Variants in MEGF10 observed in about 807,000 individuals in gnomAD.
MEGF10 encodes multiple epidermal growth factor-like domains protein 10.
Under a neutral mutation model 147.5 loss-of-function variants are expected in MEGF10, and 86 were observed. The ratio of observed to expected loss-of-function variants is 0.58; its 90% CI spans 0.49 to 0.70. The LOEUF is 0.70. Ranked by LOEUF, MEGF10 falls within the 30% of genes least tolerant of loss-of-function variation. The pLI is 0.00. For missense variants in MEGF10, 1,329 were observed against 1,487.3 expected, an observed-to-expected ratio of 0.89 and a Z score of 1.75; for synonymous variants, 478 against 525.5, an observed-to-expected ratio of 0.91 and a Z score of 1.24.
At chr5:127,405,503 T>C (rs895280697) in intron 8 of MEGF10, among the ~76,000 whole-genome samples, 2 of 152,172 alleles carry the variant, frequency 1.3e-5, no homozygotes, top group African/African-American at 4.8e-5. Flanking sequence ...AATTTTAATG[T>C]TGTTTTTAGC....
chr5:127,399,020 C>T lies in MEGF10; in HGVS notation c.780+224C>T, dbSNP rs75840083. ...AGACTTGAAGTGCATTGAAGGTTGT[C>T]ATGTAAAGGGTAGTGGCCATCTGTC... On this transcript the variant is annotated intron_variant, in intron 7 of 24. Coordinates refer to ENST00000503335, the MANE Select transcript of MEGF10 (RefSeq NM_001256545.2). Among the ~76,000 whole-genome samples, 2,784 of 152,220 alleles carry T rather than the reference C, an allele frequency of 0.018. 28 individuals are homozygous for T. Among genetic ancestry groups the T allele is most frequent in the East Asian group, 0.048 (248 of 5,188 alleles).
chr5:127,442,959 C>A (rs775624547), intron 18 of MEGF10, 39 bp from the exon 19 acceptor site: 10 of 1,588,278 alleles, frequency 6.3e-6, no homozygotes, highest in Non-Finnish European at 8.6e-6. Context: ...GCTCCAAATT[C>A]CCAAGGTTGG....
chr5:127,387,372 G>A (rs1319218061), intron 5 of MEGF10, among the ~76,000 whole-genome samples: 1 of 152,112 alleles, frequency 6.6e-6, no homozygotes, highest in East Asian at 1.9e-4. Context: ...GTGTGATTAT[G>A]GACATGATAG....
At chr5:127,397,252 A>G (rs1314078560) in intron 6 of MEGF10, among the ~76,000 whole-genome samples, 2 of 152,234 alleles carry the variant, frequency 1.3e-5, no homozygotes, top group Non-Finnish European at 2.9e-5. Flanking sequence ...AAAATAATCC[A>G]TAATAAAAGA....
intron 9 of MEGF10, among the ~76,000 whole-genome samples, chr5:127,415,038 A>G (rs1357486700): frequency 1.3e-5 from 2 of 152,048 alleles, no homozygotes; most frequent in East Asian, 3.9e-4. Context: ...GCATCCTAAG[A>G]ACATGGAATA....
In MEGF10 at chr5:127,317,132, A is replaced by C. The variant is rs150129646; in HGVS notation, c.-18-14159A>C. The stretch of plus-strand genomic sequence containing the variant: ...AATGCCAGTTTGAATTTTACCTAAA[A>C]GGCAAGCTCTCAAAAGCTTTTAAGA... On this transcript the variant is annotated intron_variant, in intron 1 of 24. Coordinates refer to ENST00000503335, the MANE Select transcript of MEGF10 (RefSeq NM_001256545.2). Among the ~76,000 whole-genome samples the C allele has an allele frequency of 4.2e-3, 644 of 152,354 alleles. 3 individuals carry two copies. Among genetic ancestry groups the C allele is most frequent in the African/African-American group, 0.014 (577 of 41,586 alleles).
intron 15 of MEGF10, 71 bp downstream of exon 15, chr5:127,434,892 C>G: frequency 6.6e-7 from 1 of 1,522,108 alleles, no homozygotes; most frequent in Non-Finnish European, 8.8e-7. Flanking sequence ...CTCAGGCCTC[C>G]CCTTGGCCTT....
intron 1 of MEGF10, among the ~76,000 whole-genome samples, chr5:127,314,506 C>A (rs893532335): frequency 4.6e-5 from 7 of 152,142 alleles, no homozygotes; most frequent in Admixed American, 2.6e-4. Flanking sequence ...GATTTCTATG[C>A]AGTTTCTAGT....
chr5:127,329,531 G>T (rs1761168848), intron 1 of MEGF10, among the ~76,000 whole-genome samples: 2 of 151,774 alleles, frequency 1.3e-5, no homozygotes, highest in African/African-American at 2.4e-5. Flanking sequence ...TGCTGTTATT[G>T]TTGTTTATTT....
intron 5 of MEGF10, among the ~76,000 whole-genome samples, chr5:127,392,669 T>C (rs1026323252): frequency 6.6e-6 from 1 of 152,188 alleles, no homozygotes; most frequent in African/African-American, 2.4e-5. Flanking sequence ...TGAACTTCAG[T>C]ACCCAGCCCG....
At chr5:127,398,620 C>T (rs939085472) in intron 6 of MEGF10, 56 bp from the exon 7 acceptor site, 161 of 1,608,312 alleles carry the variant, frequency 1.0e-4, no homozygotes, top group Non-Finnish European at 1.2e-4. Context: ...ACAGTGAACC[C>T]GAGGGTCATG....
chr5:127,286,107 T>A (rs888764235), upstream of MEGF10, among the ~76,000 whole-genome samples: 7 of 152,042 alleles, frequency 4.6e-5, no homozygotes, highest in Admixed American at 2.6e-4. Context: ...AGAAAGTTGA[T>A]CTTTTGAAGG....
At chr5:127,347,641 A>C (rs1369064501) in intron 4 of MEGF10, among the ~76,000 whole-genome samples, 2 of 152,116 alleles carry the variant, frequency 1.3e-5, no homozygotes, top group Non-Finnish European at 2.9e-5. Context: ...CTGTAAATTC[A>C]AATATGGACA....
intron 1 of MEGF10, among the ~76,000 whole-genome samples, chr5:127,316,082 A>C (rs1270464862): frequency 6.6e-6 from 1 of 152,244 alleles, no homozygotes; most frequent in East Asian, 1.9e-4. Context: ...GAGATGCAAC[A>C]CTTCAGAAGA....
upstream of MEGF10, among the ~76,000 whole-genome samples, chr5:127,286,198 G>A (rs1284416645): frequency 2.6e-5 from 4 of 151,588 alleles, no homozygotes; most frequent in Non-Finnish European, 5.9e-5. Flanking sequence ...TGGTTAATAA[G>A]TATAAATATT....
intron 4 of MEGF10, among the ~76,000 whole-genome samples, chr5:127,346,936 A>T (rs1761916080): frequency 6.6e-6 from 1 of 152,028 alleles, no homozygotes; most frequent in Non-Finnish European, 1.5e-5. Flanking sequence ...TTTATATTTT[A>T]TATATATCTT....
chr5:127,279,331 G>A, the MEGF10 span, among the ~76,000 whole-genome samples: 1 of 152,056 alleles, frequency 6.6e-6, no homozygotes, highest in Non-Finnish European at 1.5e-5. Context: ...TTATGGAGAG[G>A]CTGCAATTGT....
the MEGF10 span, among the ~76,000 whole-genome samples, chr5:127,266,487 G>A: frequency 5.5e-4 from 84 of 152,118 alleles, no homozygotes; most frequent in African/African-American, 1.8e-3. Flanking sequence ...TGGCGATGGC[G>A]TTGAATCTAT....
rs370850456 is a variant in MEGF10, at chr5:127,443,077, T to C, written c.2442T>C (p.Thr814=). ...ACAACTCCACCTGCGACCACATCAC[T>C]GGGACCTGTTACTGCAGCCCCGGAT... is the stretch of plus-strand genomic sequence containing the variant. ...CLNNSTCDHI[T]GTCYCSPGWK... is the part of the protein sequence containing the mutation. The change falls in exon 19 of 25, where the codon ACT becomes ACC. Residue 814 remains threonine (T), a synonymous_variant. Transcript: ENST00000503335. The C allele has an allele frequency of 3.5e-5, 56 of 1,613,704 alleles. No individual in the cohort carries two copies. The highest frequency in any genetic ancestry group is 1.5e-4 in the African/African-American group (11 of 74,902).
Sources: allele counts gnomAD v4.1 joint callset (sites outside exome capture counted in the v4.1 genomes callset), GRCh38; gene constraint gnomAD v4.1.1; transcripts MANE v1.5; gene names NCBI Gene and HGNC (gene_info 2026-07-23, HGNC 2026-07-21).